The following MSI2 variants were observed in gnomAD, a reference collection of about 807,000 sequenced individuals.
MSI2 encodes the protein RNA-binding protein Musashi homolog 2.
A neutral mutation model predicts 45.6 loss-of-function variants in MSI2; 17 were observed. The observed-to-expected ratio is 0.37, with a 90% CI of 0.26 to 0.56. The LOEUF is 0.56. MSI2 is among the 20% of genes least tolerant of loss of function. MSI2 has a pLI of 0.77. For synonymous variants in MSI2, 156 were observed against 158.2 expected (o/e 0.99, Z 0.11); for missense variants, 293 against 444.2 (o/e 0.66, Z 3.06).
At chr17:57,553,459 TTTA>T (rs2087353710) in intron 7 of MSI2, among the ~76,000 whole-genome samples, 1 of 152,216 alleles carries the variant, frequency 6.6e-6, no homozygotes, top group Non-Finnish European at 1.5e-5. Flanking sequence ...TTGAGCTGCT[TTTA>T]AATGATGTTA....
At chr17:57,315,224 C>T (rs1000571525) in intron 5 of MSI2, among the ~76,000 whole-genome samples, 3 of 152,208 alleles carry the variant, frequency 2.0e-5, no homozygotes, top group African/African-American at 4.8e-5. Flanking sequence ...GAGCCAAAAG[C>T]AGCCCTGCCG....
chr17:57,392,441 T>A (rs189651916), intron 5 of MSI2, among the ~76,000 whole-genome samples: 148 of 152,194 alleles, frequency 9.7e-4, no homozygotes, highest in Non-Finnish European at 1.5e-3. Flanking sequence ...GTTGTTTTAA[T>A]CAGAGGTAAC....
intron 6 of MSI2, among the ~76,000 whole-genome samples, chr17:57,477,762 G>A (rs1386853427): frequency 2.6e-5 from 4 of 152,140 alleles, no homozygotes; most frequent in Admixed American, 1.3e-4. Flanking sequence ...AAGCTTTGAG[G>A]GCTCTGAGAG....
At chr17:57,571,837 T>G (rs2087885965) in intron 7 of MSI2, among the ~76,000 whole-genome samples, 1 of 152,128 alleles carries the variant, frequency 6.6e-6, no homozygotes, top group Non-Finnish European at 1.5e-5. Context: ...AGCCAATACT[T>G]TCTACAGCCG....
At chr17:57,618,054 G>A (rs1418637621) in intron 9 of MSI2, 1 of 146,676 alleles carries the variant, frequency 6.8e-6, no homozygotes, top group Non-Finnish European at 1.5e-5. Context: ...CTGGGTGACA[G>A]AGTGAGACTC....
intron 5 of MSI2, chr17:57,274,526 A>G (rs1185747127): frequency 2.0e-5 from 3 of 152,214 alleles, no homozygotes; most frequent in Admixed American, 6.5e-5. Context: ...GGGTTGTTAG[A>G]AAGGAGCACG....
At chr17:57,276,673 G>A (rs1011740125) in intron 5 of MSI2, among the ~76,000 whole-genome samples, 2 of 152,182 alleles carry the variant, frequency 1.3e-5, no homozygotes, top group Non-Finnish European at 1.5e-5. Context: ...GCGTGCTGCC[G>A]CTGCTGTTTG....
At chr17:57,476,615 C>T (rs141460236) in intron 6 of MSI2, among the ~76,000 whole-genome samples, 171 of 152,288 alleles carry the variant, frequency 1.1e-3, no homozygotes, top group African/African-American at 4.0e-3. Flanking sequence ...TCAAGGATAC[C>T]GGTTGATTCA....
At chr17:57,455,690 G>A (rs1374966161) in intron 6 of MSI2, among the ~76,000 whole-genome samples, 3 of 152,128 alleles carry the variant, frequency 2.0e-5, no homozygotes, top group Non-Finnish European at 4.4e-5. Flanking sequence ...GGCAGCAGAG[G>A]GACAGTGGGG....
intron 6 of MSI2, among the ~76,000 whole-genome samples, chr17:57,414,997 T>C (rs1233243819): frequency 1.3e-5 from 2 of 152,168 alleles, no homozygotes; most frequent in African/African-American, 2.4e-5. Flanking sequence ...TCTCTCCTTC[T>C]CTTCTTTCTG....
chr17:57,513,657 G>A (rs1275767437), intron 6 of MSI2, among the ~76,000 whole-genome samples: 2 of 152,204 alleles, frequency 1.3e-5, no homozygotes, highest in Admixed American at 6.5e-5. Context: ...AGCAGTTAGG[G>A]CGGAGGGGCT....
chr17:57,654,190 G>T (rs1457878984), intron 11 of MSI2, among the ~76,000 whole-genome samples: 1 of 152,220 alleles, frequency 6.6e-6, no homozygotes, highest in Non-Finnish European at 1.5e-5. Context: ...CAACCCTGCA[G>T]TGCTGCCGGG....
chr17:57,318,678 G>A (rs1422169848), intron 5 of MSI2, among the ~76,000 whole-genome samples: 1 of 152,130 alleles, frequency 6.6e-6, no homozygotes, highest in Non-Finnish European at 1.5e-5. Context: ...GGGGAGAAAA[G>A]GTAGCTGACA....
intron 5 of MSI2, among the ~76,000 whole-genome samples, chr17:57,390,970 CTATTTACTTCTGTT>C (rs1400331334): frequency 2.0e-5 from 3 of 152,132 alleles, no homozygotes; most frequent in African/African-American, 4.8e-5. Context: ...TCGGGGGTGG[CTATTTACTTCTGTT>C]TACAGGGAAC....
At chr17:57,341,746 C>T (rs528334523) in intron 5 of MSI2, among the ~76,000 whole-genome samples, 49 of 152,202 alleles carry the variant, frequency 3.2e-4, no homozygotes, top group Middle Eastern at 3.4e-3. Flanking sequence ...GCAAAATCAC[C>T]GCTTGTGGGC....
At chr17:57,622,315 C>T (rs1249086932) in intron 9 of MSI2, among the ~76,000 whole-genome samples, 1 of 152,238 alleles carries the variant, frequency 6.6e-6, no homozygotes, top group Admixed American at 6.5e-5. Flanking sequence ...TTTCATTTTT[C>T]TTAATGAAGG....
intron 5 of MSI2, among the ~76,000 whole-genome samples, chr17:57,390,048 C>A (rs754202399): frequency 2.1e-5 from 3 of 144,632 alleles, no homozygotes; most frequent in Non-Finnish European, 3.0e-5. Flanking sequence ...GACCAGCCTG[C>A]GTAACATAGC....
chr17:57,501,064 C>T (rs113647245), intron 6 of MSI2, among the ~76,000 whole-genome samples: 463 of 152,296 alleles, frequency 3.0e-3, no homozygotes, highest in Non-Finnish European at 5.1e-3. Context: ...GTCACACCGT[C>T]TCATTTCACC....
chr17:57,298,093 A>G (rs1201569327), intron 5 of MSI2, among the ~76,000 whole-genome samples: 1 of 151,400 alleles, frequency 6.6e-6, no homozygotes, highest in Non-Finnish European at 1.5e-5. Context: ...AATGGCATCT[A>G]GAGTGGTGAA....
Sources: allele counts gnomAD v4.1 joint callset (sites outside exome capture counted in the v4.1 genomes callset), GRCh38; gene constraint gnomAD v4.1.1; transcripts MANE v1.5; gene names NCBI Gene and HGNC (gene_info 2026-07-23, HGNC 2026-07-21).